FKBP14: variants seen among roughly 807,000 people sequenced by gnomAD.
The protein encoded by FKBP14 is peptidyl-prolyl cis-trans isomerase FKBP14.
In FKBP14, 20 loss-of-function variants were observed where a neutral mutation model predicts 21.6. The ratio of observed to expected loss-of-function variants is 0.92; its 90% CI spans 0.65 to 1.34. FKBP14 has a LOEUF of 1.34. FKBP14 is among the 40% of genes most tolerant of loss of function. The probability of loss-of-function intolerance (pLI) is 0.00; values close to 1 mark genes in which losing one functional copy is unlikely to be tolerated. For synonymous variants in FKBP14, 79 were observed against 86.7 expected, an observed-to-expected ratio of 0.91 and a Z score of 0.49; for missense variants, 253 against 249.0, an observed-to-expected ratio of 1.02 and a Z score of -0.11.
At chr7:30,023,960 G>C (rs79520449) in intron 1 of FKBP14, among the ~76,000 whole-genome samples, 1 of 152,114 alleles carries the variant, frequency 6.6e-6, no homozygotes, top group Non-Finnish European at 1.5e-5. Context: ...AACTGGGGAC[G>C]AGGGAAATAG....
chr7:30,023,388 T>C (rs1021589260), intron 1 of FKBP14, among the ~76,000 whole-genome samples: 11 of 152,214 alleles, frequency 7.2e-5, no homozygotes, highest in African/African-American at 2.4e-4. Flanking sequence ...CACACAGATA[T>C]GAAGAGTGAG....
chr7:30,017,712 A>T (rs1789927562), intron 3 of FKBP14, among the ~76,000 whole-genome samples: 1 of 152,016 alleles, frequency 6.6e-6, no homozygotes, highest in Non-Finnish European at 1.5e-5. Context: ...CCCAGCTAAG[A>T]CTTTTAAATA....
intron 3 of FKBP14, among the ~76,000 whole-genome samples, chr7:30,018,252 G>A (rs1054504536): frequency 2.0e-5 from 3 of 152,150 alleles, no homozygotes; most frequent in Admixed American, 1.3e-4. Context: ...CCATTAGAAT[G>A]AATTTGATCA....
intron 2 of FKBP14, among the ~76,000 whole-genome samples, chr7:30,021,470 C>T (rs926990585): frequency 6.6e-6 from 1 of 152,036 alleles, no homozygotes; most frequent in Non-Finnish European, 1.5e-5. Context: ...TTATGGACAT[C>T]CCTGTTCACA....
rs911349631 is a variant in FKBP14, at chr7:30,013,854, A to G, written c.*881T>C. On this transcript the variant is annotated 3_prime_UTR_variant, in exon 4 of 4. Transcript: ENST00000222803. ...CTTAAGTCCTAGGTAGCATGTCTCAATGCATACATATTTATATGTTATTAA... is the reference window on the plus strand; with the variant it reads ...CTTAAGTCCTAGGTAGCATGTCTCAGTGCATACATATTTATATGTTATTAA... 2.6e-5 allele frequency: 4 copies of G among 152,142 alleles called. No homozygotes were observed. Among genetic ancestry groups the G allele is most frequent in the South Asian group, 4.1e-4 (2 of 4,834 alleles). 9.4% of individuals were successfully genotyped at this position (152,142 alleles called of 1,614,324 possible).
chr7:30,017,945 G>A (rs1030795377), intron 3 of FKBP14, among the ~76,000 whole-genome samples: 2 of 151,982 alleles, frequency 1.3e-5, no homozygotes, highest in Admixed American at 6.6e-5. Flanking sequence ...GCAGTGAGCC[G>A]AGATTTTGCC....
At chr7:30,016,646 G>T (rs1387464660) in intron 3 of FKBP14, among the ~76,000 whole-genome samples, 3 of 151,566 alleles carry the variant, frequency 2.0e-5, no homozygotes, top group African/African-American at 7.3e-5. Flanking sequence ...TGCCTGCCTT[G>T]GCCTCCCAAA....
At position 30,019,048 on chromosome 7, in the gene FKBP14, TC is replaced by T; in HGVS notation, c.424del (p.Glu142AsnfsTer23). 6.2e-7 allele frequency: 1 copy of T among 1,603,108 alleles called. No homozygotes were observed. The highest frequency in any genetic ancestry group is 1.1e-5 in the South Asian group (1 of 88,642). ...ATTAAGATCCATTTCTTGGAATGAT[TC>T]ATGGGATCTTGGTCCATTTCGAATC... ...LEIRNGPRSH[E>X]SFQEMDLNDD... is the part of the protein sequence containing the mutation. On this transcript the variant is annotated frameshift_variant, in exon 3 of 4. Coordinates refer to ENST00000222803, the MANE Select transcript of FKBP14 (RefSeq NM_017946.4). LOFTEE classifies it high-confidence loss of function.
At chr7:30,017,011 C>T (rs1053574150) in intron 3 of FKBP14, among the ~76,000 whole-genome samples, 2 of 151,736 alleles carry the variant, frequency 1.3e-5, no homozygotes, top group East Asian at 1.9e-4. Flanking sequence ...TAAAGCAAAA[C>T]GACAAAACAG....
chr7:30,008,854 T>C (rs1345911136), downstream of FKBP14, among the ~76,000 whole-genome samples: 1 of 151,306 alleles, frequency 6.6e-6, no homozygotes, highest in Non-Finnish European at 1.5e-5. Context: ...CAGGCGCCTG[T>C]AGCCCCAGGC....
In FKBP14 at chr7:30,014,695, CTT is replaced by C. The variant is rs759625515; in HGVS notation, c.*38_*39del. 6.2e-6 allele frequency: 8 copies of C among 1,298,136 alleles called. No homozygotes were observed. Among genetic ancestry groups the C allele is most frequent in the Admixed American group, 2.8e-5 (1 of 35,132 alleles). The allele number at this position is 1,298,136 out of a possible 1,614,324, so 80.4% of individuals were successfully genotyped here. On this transcript the variant is annotated 3_prime_UTR_variant, in exon 4 of 4. Transcript: ENST00000222803. ...TGTTCTTTAAAGATGACTGCCCTCT[CTT>C]GAAAGATGAGTGCTATATTAAAAGG...
intron 3 of FKBP14, among the ~76,000 whole-genome samples, chr7:30,015,802 T>C (rs934186597): frequency 2.6e-5 from 4 of 151,950 alleles, no homozygotes; most frequent in African/African-American, 4.8e-5. Flanking sequence ...ATTTTTTGTA[T>C]TTTTAGTAGA....
At position 30,013,869 on chromosome 7, in the gene FKBP14, T is replaced by C. The variant is rs1039308740; in HGVS notation, c.*866A>G. On this transcript the variant is annotated 3_prime_UTR_variant, in exon 4 of 4. Transcript: ENST00000222803. ...GCATGTCTCAATGCATACATATTTATATGTTATTAACCGTGTTTCTTTTCT... is the reference window on the plus strand; with the variant it reads ...GCATGTCTCAATGCATACATATTTACATGTTATTAACCGTGTTTCTTTTCT... 1 of 152,182 alleles carries C rather than the reference T, an allele frequency of 6.6e-6. No individual in the cohort carries two copies. Among genetic ancestry groups the C allele is most frequent in the African/African-American group, 2.4e-5 (1 of 41,458 alleles). The allele number at this position is 152,182 out of a possible 1,614,324, so 9.4% of individuals were successfully genotyped here. A position where few individuals can be genotyped will look rare whatever the true frequency, so the allele number is the denominator to read the frequency against.
chr7:30,022,876 G>A, intron 1 of FKBP14, 60 bp from the exon 2 acceptor site: 1 of 1,492,214 alleles, frequency 6.7e-7, no homozygotes, highest in Non-Finnish European at 9.0e-7. Context: ...TTTCTTTAGT[G>A]CATTTTCCCA....
chr7:30,010,582 ATCAGTTATC>A (rs1179354072), exon 4 of FKBP14: 2 of 152,232 alleles, frequency 1.3e-5, no homozygotes, highest in African/African-American at 4.8e-5. Flanking sequence ...TTTTCACAAA[ATCAGTTATC>A]TCCCAAATAA....
Position 30,014,641 on chromosome 7 carries a change from G to T in FKBP14, c.*94C>A. Reference sequence around the variant, plus strand: ...AAAATATATAAAAATAAAAAACAAAGCAAGAAAGAACATTGTATAAAAATA... The same window carrying T: ...AAAATATATAAAAATAAAAAACAAATCAAGAAAGAACATTGTATAAAAATA... On this transcript the variant is annotated 3_prime_UTR_variant, in exon 4 of 4. Transcript: ENST00000222803. The T allele has an allele frequency of 1.2e-6, 1 of 848,392 alleles. No homozygotes were observed. Among genetic ancestry groups the T allele is most frequent in the Non-Finnish European group, 1.6e-6 (1 of 629,564 alleles). The allele number at this position is 848,392 out of a possible 1,614,324, so 52.6% of individuals were successfully genotyped here.
chr7:30,009,339 T>G (rs1789673412), downstream of FKBP14, among the ~76,000 whole-genome samples: 1 of 151,930 alleles, frequency 6.6e-6, no homozygotes, highest in South Asian at 2.1e-4. Context: ...TTCAAGTGAT[T>G]CTCCTGCTTC....
At chr7:30,009,857 G>A (rs1789682172), downstream of FKBP14, among the ~76,000 whole-genome samples, 1 of 151,718 alleles carries the variant, frequency 6.6e-6, no homozygotes, top group Non-Finnish European at 1.5e-5. Context: ...AAATTAGCTG[G>A]GCGTGGTGGC....
In FKBP14 at chr7:30,012,043, T is replaced by C. The variant is rs936714640; in HGVS notation, c.*2692A>G. 2.0e-5 allele frequency: 3 copies of C among 152,208 alleles called. No homozygotes were observed. The highest frequency in any genetic ancestry group is 4.4e-5 in the Non-Finnish European group (3 of 68,036). The allele number at this position is 152,208 out of a possible 1,614,324, so 9.4% of individuals were successfully genotyped here. A position where few individuals can be genotyped will look rare whatever the true frequency, so the allele number is the denominator to read the frequency against. ...GTCCTACATGTGTAGCAGGCTACAC[T>C]ATCTAGGTTTGTGTAAGTACACTCT... On this transcript the variant is annotated 3_prime_UTR_variant, in exon 4 of 4. Transcript: ENST00000222803.
Sources: gnomAD v4.1 joint callset for allele counts (sites outside exome capture counted in the v4.1 genomes callset) on GRCh38, gnomAD v4.1.1 for gene constraint, MANE v1.5 for transcripts, NCBI Gene and HGNC (gene_info 2026-07-23, HGNC 2026-07-21) for gene names.